The following NRXN1 variants were observed in gnomAD, a reference collection of about 807,000 sequenced individuals.
NRXN1 encodes the protein neurexin 1, also known as neurexin-1.
Under a neutral mutation model 150.9 loss-of-function variants are expected in NRXN1, and 39 were observed. The ratio of observed to expected loss-of-function variants is 0.26; its 90% CI spans 0.20 to 0.34. The LOEUF (loss-of-function observed/expected upper bound fraction) is 0.34, where lower values mean the gene tolerates loss of function less well. NRXN1 is among the 10% of genes least tolerant of loss of function. The pLI, the probability that NRXN1 is intolerant of heterozygous loss-of-function variation, is 1.00. For synonymous variants in NRXN1, 924 were observed against 757.0 expected (o/e 1.22, Z -3.62); for missense variants, 1,815 against 1,949.9 (o/e 0.93, Z 1.30).
intron 18 of NRXN1, among the ~76,000 whole-genome samples, chr2:50,108,636 C>G (rs1338216997): frequency 6.6e-6 from 1 of 152,052 alleles, no homozygotes; most frequent in East Asian, 1.9e-4. Flanking sequence ...GTTAAGTTCA[C>G]TATGCATTTT....
chr2:50,466,716 T>C (rs866768922), intron 16 of NRXN1, among the ~76,000 whole-genome samples: 2 of 151,724 alleles, frequency 1.3e-5, no homozygotes, highest in Non-Finnish European at 2.9e-5. Context: ...TATGTATATA[T>C]ATAATGGTTA....
chr2:50,694,754 T>C (rs1201247835), intron 5 of NRXN1, among the ~76,000 whole-genome samples: 1 of 152,216 alleles, frequency 6.6e-6, no homozygotes, highest in African/African-American at 2.4e-5. Flanking sequence ...CGGTTAATCC[T>C]TTTATCCCCA....
At chr2:50,341,231 T>C (rs927314936) in intron 17 of NRXN1, among the ~76,000 whole-genome samples, 3 of 152,146 alleles carry the variant, frequency 2.0e-5, no homozygotes, top group Admixed American at 6.6e-5. Flanking sequence ...GAAAGGAATA[T>C]ACTCCTCAAA....
chr2:50,092,729 T>G (rs570819126), intron 18 of NRXN1, among the ~76,000 whole-genome samples: 1 of 152,188 alleles, frequency 6.6e-6, no homozygotes, highest in Non-Finnish European at 1.5e-5. Flanking sequence ...AGGAAAATAT[T>G]TGAGGATGTT....
At chr2:50,034,156 G>T (rs1238817174) in intron 21 of NRXN1, among the ~76,000 whole-genome samples, 1 of 151,870 alleles carries the variant, frequency 6.6e-6, no homozygotes, top group East Asian at 1.9e-4. Context: ...ATACCCAAAG[G>T]AATATAAATC....
chr2:49,953,302 G>A (rs1414831601), intron 21 of NRXN1, among the ~76,000 whole-genome samples: 1 of 152,094 alleles, frequency 6.6e-6, no homozygotes, highest in Non-Finnish European at 1.5e-5. Context: ...CAGTATCTGA[G>A]TAGCATCTCT....
At chr2:50,923,965 TTC>T (rs1558429478) in intron 3 of NRXN1, among the ~76,000 whole-genome samples, 1 of 151,820 alleles carries the variant, frequency 6.6e-6, no homozygotes, top group Non-Finnish European at 1.5e-5. Context: ...TCTCTGTATT[TTC>T]TGAGTGATTT....
chr2:50,451,277 A>G (rs982606893), intron 17 of NRXN1, among the ~76,000 whole-genome samples: 4 of 152,180 alleles, frequency 2.6e-5, no homozygotes, highest in African/African-American at 9.7e-5. Context: ...CCTACTTCAC[A>G]ATATTTTGTT....
intron 12 of NRXN1, among the ~76,000 whole-genome samples, chr2:50,514,422 T>G (rs1472213431): frequency 3.9e-5 from 6 of 152,260 alleles, no homozygotes. Context: ...ACTCATTTAT[T>G]CTGGGTTCCA....
chr2:50,128,434 G>T (rs1704934414), intron 18 of NRXN1, among the ~76,000 whole-genome samples: 2 of 152,122 alleles, frequency 1.3e-5, no homozygotes, highest in African/African-American at 4.8e-5. Context: ...AAACATGTGA[G>T]TAAAAGAAGG....
intron 17 of NRXN1, among the ~76,000 whole-genome samples, chr2:50,413,666 A>G (rs1194668085): frequency 1.3e-5 from 2 of 152,160 alleles, no homozygotes; most frequent in Non-Finnish European, 2.9e-5. Flanking sequence ...AAGATCTAGC[A>G]ATCCCAATAC....
chr2:50,711,726 G>C (rs1407137501), intron 5 of NRXN1, among the ~76,000 whole-genome samples: 1 of 152,130 alleles, frequency 6.6e-6, no homozygotes, highest in African/African-American at 2.4e-5. Flanking sequence ...GAATGCAACA[G>C]TGTTGGGAGG....
chr2:50,937,010 T>C (rs1688655615), intron 2 of NRXN1, among the ~76,000 whole-genome samples: 2 of 152,276 alleles, frequency 1.3e-5, no homozygotes, highest in Admixed American at 1.3e-4. Flanking sequence ...GCAAGGTGCC[T>C]CTCGTTACGA....
In NRXN1 at chr2:50,951,400, G is replaced by A. The variant is rs111596301; in HGVS notation, c.773-25445C>T. ...TGCTCATTGAGCTTTCAAATGTCCCGCCAGATACCCAACTGGATGAATAAC... is the reference window on the plus strand; with the variant it reads ...TGCTCATTGAGCTTTCAAATGTCCCACCAGATACCCAACTGGATGAATAAC... On this transcript the variant is annotated intron_variant, in intron 2 of 22. Coordinates refer to ENST00000401669, the MANE Select transcript of NRXN1 (RefSeq NM_001330078.2). 2.0e-3 allele frequency among the ~76,000 whole-genome samples: 305 copies of A among 152,210 alleles called. 4 individuals carry two copies. Among genetic ancestry groups the A allele is most frequent in the African/African-American group, 7.1e-3 (295 of 41,544 alleles).
chr2:50,131,558 T>C (rs779260738), intron 18 of NRXN1, among the ~76,000 whole-genome samples: 4 of 152,188 alleles, frequency 2.6e-5, no homozygotes, highest in East Asian at 3.9e-4. Context: ...GTGCACAGAA[T>C]TGACACTAAG....
intron 15 of NRXN1, among the ~76,000 whole-genome samples, chr2:50,474,728 C>A (rs971634479): frequency 1.5e-5 from 2 of 134,382 alleles, no homozygotes; most frequent in African/African-American, 2.8e-5. Context: ...AGAGGTCATG[C>A]ACACAAGAAT....
chr2:50,983,515 T>C (rs1697173737), intron 2 of NRXN1, among the ~76,000 whole-genome samples: 1 of 152,150 alleles, frequency 6.6e-6, no homozygotes, highest in African/African-American at 2.4e-5. Context: ...TGGCTATTCC[T>C]GTTTCTTCCT....
chr2:50,585,965 T>A (rs2103723442), intron 8 of NRXN1, among the ~76,000 whole-genome samples: 1 of 152,332 alleles, frequency 6.6e-6, no homozygotes, highest in South Asian at 2.1e-4. Context: ...AAAAACCTAC[T>A]GAGCAGAGCC....
At chr2:50,097,854 G>A (rs993584560) in intron 18 of NRXN1, among the ~76,000 whole-genome samples, 18 of 151,994 alleles carry the variant, frequency 1.2e-4, no homozygotes, top group African/African-American at 4.4e-4. Context: ...GGTCAGGCTG[G>A]TCTCGAAATC....
Sources: gnomAD v4.1 joint callset for allele counts (sites outside exome capture counted in the v4.1 genomes callset) on GRCh38, gnomAD v4.1.1 for gene constraint, MANE v1.5 for transcripts, NCBI Gene and HGNC (gene_info 2026-07-23, HGNC 2026-07-21) for gene names.